NMRAL1: variants seen among roughly 807,000 people sequenced by gnomAD.
NMRAL1 encodes NmrA like redox sensor 1.
A neutral mutation model predicts 27.5 loss-of-function variants in NMRAL1; 32 were observed. The observed-to-expected ratio is 1.16, with a 90% CI of 0.88 to 1.56. NMRAL1 has a LOEUF of 1.56. Among genes scored for constraint, NMRAL1 ranks in the 40% most tolerant of loss-of-function variants. The pLI is 0.00. For synonymous variants in NMRAL1, 166 were observed against 166.8 expected, an observed-to-expected ratio of 1.00 and a Z score of 0.04; for missense variants, 420 against 392.0, an observed-to-expected ratio of 1.07 and a Z score of -0.60.
In NMRAL1 at chr16:4,474,401, G is replaced by A. The variant is rs2057744455; in HGVS notation, c.-35+153C>T. The A allele has an allele frequency of 6.3e-6, 3 of 474,922 alleles. No individual in the cohort carries two copies. In the Admixed American group the frequency reaches 1.1e-4, roughly 17 times the overall value. 29.4% of individuals were successfully genotyped at this position (474,922 alleles called of 1,614,324 possible). A position where few individuals can be genotyped will look rare whatever the true frequency, so the allele number is the denominator to read the frequency against. On this transcript the variant is annotated intron_variant, in intron 1 of 5. Coordinates refer to ENST00000283429, the MANE Select transcript of NMRAL1 (RefSeq NM_020677.6). ...GTTCCAGTCACCCGCCCCCCGGCCC[G>A]GGTCCCACCGGCTGGAGTGACCTCC...
At chr16:4,466,492 A>C in intron 3 of NMRAL1, 90 bp from the exon 4 acceptor site, 1 of 1,376,402 alleles carries the variant, frequency 7.3e-7, no homozygotes, top group African/African-American at 1.4e-5. Flanking sequence ...CGGAGCGGCC[A>C]CCATCTGCGA....
At chr16:4,465,120 G>C (rs1425989633) in intron 4 of NMRAL1, among the ~76,000 whole-genome samples, 6 of 150,638 alleles carry the variant, frequency 4.0e-5, no homozygotes, top group Non-Finnish European at 5.9e-5. Context: ...CACCATGCTG[G>C]CCAGGCTGGT....
chr16:4,469,027 G>A (rs964839676), intron 3 of NMRAL1, among the ~76,000 whole-genome samples, 200 bp downstream of exon 3: 3 of 150,206 alleles, frequency 2.0e-5, no homozygotes, highest in Admixed American at 2.0e-4. Context: ...CGGAGACTGA[G>A]ACGGCCTCAA....
At chr16:4,474,333 G>C in intron 1 of NMRAL1, 167 bp from the exon 2 acceptor site, 1 of 570,532 alleles carries the variant, frequency 1.8e-6, no homozygotes. Flanking sequence ...GACCCACCTC[G>C]TGTCCCTTGG....
At chr16:4,474,660 C>T (rs2057763363), upstream of NMRAL1, 1 of 154,018 alleles carries the variant, frequency 6.5e-6, no homozygotes, top group Admixed American at 6.5e-5. Context: ...TTGGCTCCTC[C>T]TGGATCCCGC....
At chr16:4,474,950 T>A (rs2057773338), upstream of NMRAL1, 1 of 152,118 alleles carries the variant, frequency 6.6e-6, no homozygotes, top group African/African-American at 2.4e-5. Flanking sequence ...CTTTTAAAAT[T>A]TTATTATTTT....
intron 2 of NMRAL1, among the ~76,000 whole-genome samples, chr16:4,472,910 C>T (rs1012685833): frequency 2.0e-5 from 3 of 151,160 alleles, no homozygotes; most frequent in African/African-American, 7.3e-5. Flanking sequence ...TAGATTGGAG[C>T]TTTCTAGGGG....
chr16:4,468,973 TA>T (rs34547583), intron 3 of NMRAL1, among the ~76,000 whole-genome samples: 14,308 of 144,580 alleles, frequency 0.099, 769 homozygotes, highest in African/African-American at 0.14. Flanking sequence ...CATTTTTGAT[TA>T]AAAAAAAAAA....
intron 2 of NMRAL1, among the ~76,000 whole-genome samples, chr16:4,470,134 C>G (rs946262081): frequency 1.4e-5 from 2 of 142,460 alleles, no homozygotes; most frequent in African/African-American, 5.2e-5. Flanking sequence ...TGCACTCCAG[C>G]CTGGGTGACA....
chr16:4,472,085 G>A (rs193217597), intron 2 of NMRAL1, among the ~76,000 whole-genome samples: 157 of 149,980 alleles, frequency 1.0e-3, no homozygotes, highest in African/African-American at 2.0e-3. Context: ...AGAAAAAAGT[G>A]TACACCAATG....
At position 4,474,583 on chromosome 16, in the gene NMRAL1, C is replaced by A. The variant is rs17887050; in HGVS notation, c.-64G>T. 0.074 allele frequency: 11,638 copies of A among 157,396 alleles called. 717 individuals are homozygous for A. Among genetic ancestry groups the A allele is most frequent in the African/African-American group, 0.16 (6,773 of 41,684 alleles). 9.7% of individuals were successfully genotyped at this position (157,396 alleles called of 1,614,324 possible). ...CAGAGCGCCGCTCACGGAAGCCCAG[C>A]GTCGGAGGACCCCTGGCTGCAGCCG... On this transcript the variant is annotated 5_prime_UTR_variant, in exon 1 of 6. Transcript: ENST00000283429.
At chr16:4,466,831 CAGTGT>C in intron 3 of NMRAL1, 2 of 205,792 alleles carry the variant, frequency 9.7e-6, no homozygotes, top group Non-Finnish European at 2.0e-5. Flanking sequence ...CATGTACGAG[CAGTGT>C]GACCCCAGAG....
At position 4,463,664 on chromosome 16, in the gene NMRAL1, G is replaced by C. The variant is rs1178181446; in HGVS notation, c.716C>G (p.Ala239Gly). 1 of 1,613,148 alleles carries C rather than the reference G, an allele frequency of 6.2e-7. No individual in the cohort carries two copies. Among genetic ancestry groups the C allele is most frequent in the Non-Finnish European group, 8.5e-7 (1 of 1,179,920 alleles). The change falls in exon 5 of 6, where the codon GCC becomes GGC. Residue 239 changes from alanine to glycine, a missense_variant. Coordinates refer to ENST00000283429, the MANE Select transcript of NMRAL1 (RefSeq NM_020677.6). ...CACCTGGGGCGGGAGGCCCACCTTG[G>C]CATCGTGCACGACCTTGCGGGTGTG... ...TKHTRKVVHD[A>G]KMTPEDYEKL...
At chr16:4,469,699 C>G (rs1234558272) in intron 2 of NMRAL1, 3 of 790,404 alleles carry the variant, frequency 3.8e-6, no homozygotes, top group African/African-American at 3.5e-5. Flanking sequence ...AACCCCGCCT[C>G]TATCAAAAAA....
chr16:4,472,538 A>T (rs2057607955), intron 2 of NMRAL1, among the ~76,000 whole-genome samples: 2 of 152,142 alleles, frequency 1.3e-5, no homozygotes, highest in African/African-American at 4.8e-5. Context: ...TGAGGTCAGG[A>T]GTTTGAGACC....
chr16:4,464,105 A>G, intron 4 of NMRAL1: 1 of 525,792 alleles, frequency 1.9e-6, no homozygotes, highest in Non-Finnish European at 3.3e-6. Flanking sequence ...GGGTTGCTGC[A>G]TTCCTAGAAT....
At chr16:4,465,615 A>G (rs2057291650) in intron 4 of NMRAL1, among the ~76,000 whole-genome samples, 1 of 151,904 alleles carries the variant, frequency 6.6e-6, no homozygotes, top group Non-Finnish European at 1.5e-5. Context: ...CGCCTAGGCT[A>G]GAGTGCAGTG....
intron 4 of NMRAL1, 36 bp downstream of exon 4, chr16:4,466,117 A>C (rs2057314080): frequency 1.9e-6 from 3 of 1,611,090 alleles, no homozygotes; most frequent in Non-Finnish European, 2.5e-6. Context: ...ACAGGGTGAG[A>C]GCTCTGCCTC....
At chr16:4,469,692 C>A (rs1002177858) in intron 2 of NMRAL1, 2 of 840,298 alleles carry the variant, frequency 2.4e-6, no homozygotes, top group African/African-American at 3.4e-5. Context: ...TTGGTGAAAC[C>A]CCGCCTCTAT....
Sources: gnomAD v4.1 joint callset for allele counts (sites outside exome capture counted in the v4.1 genomes callset) on GRCh38, gnomAD v4.1.1 for gene constraint, MANE v1.5 for transcripts, NCBI Gene and HGNC (gene_info 2026-07-23, HGNC 2026-07-21) for gene names.